NLRP9: variants seen among roughly 807,000 people sequenced by gnomAD.
NLRP9 encodes NLR family pyrin domain containing 9.
NLRP9 carries 88 observed loss-of-function variants against 83.1 expected under a neutral mutation model. That is an observed-to-expected ratio of 1.06 (90% CI 0.89 to 1.26). The LOEUF is 1.26. Among genes scored for constraint, NLRP9 ranks in the 50% most tolerant of loss-of-function variants. NLRP9 has a pLI of 0.00. For synonymous variants in NLRP9, 521 were observed against 447.6 expected, an observed-to-expected ratio of 1.16 and a Z score of -2.07; for missense variants, 1,308 against 1,179.3, an observed-to-expected ratio of 1.11 and a Z score of -1.60.
chr19:55,732,077 A>G lies in NLRP9; in HGVS notation c.1754T>C (p.Leu585Pro). 1 of 1,609,342 alleles carries G rather than the reference A, an allele frequency of 6.2e-7. No individual in the cohort carries two copies. The change falls in exon 2 of 9, where the codon CTG becomes CCG. Residue 585 changes from leucine (L) to proline (P), a missense_variant. Coordinates refer to ENST00000332836, the MANE Select transcript of NLRP9 (RefSeq NM_176820.4). ...TGTCGTTAAATGTTGACAATGCTTCAGGCAGAATGAAGCTATTACCAAATG... is the reference window on the plus strand; with the variant it reads ...TGTCGTTAAATGTTGACAATGCTTCGGGCAGAATGAAGCTATTACCAAATG... ...IEHLVIASFC[L>P]KHCQHLTTLR...
At chr19:55,716,056 A>T (rs1175802597) in intron 5 of NLRP9, among the ~76,000 whole-genome samples, 1 of 152,212 alleles carries the variant, frequency 6.6e-6, no homozygotes, top group Non-Finnish European at 1.5e-5. Context: ...TATGTATGTC[A>T]AATACTTTTT....
At chr19:55,729,735 C>T in intron 3 of NLRP9, 96 bp downstream of exon 3, 1 of 957,488 alleles carries the variant, frequency 1.0e-6, no homozygotes, top group Admixed American at 2.3e-5. Flanking sequence ...TGGATTGCCG[C>T]TCTGCATTTA....
At chr19:55,722,304 T>C (rs1251289014) in intron 4 of NLRP9, among the ~76,000 whole-genome samples, 1 of 152,000 alleles carries the variant, frequency 6.6e-6, no homozygotes, top group Non-Finnish European at 1.5e-5. Context: ...AATTATGAAA[T>C]GGAGCAAAAT....
chr19:55,724,523 T>G (rs539987533), intron 3 of NLRP9, among the ~76,000 whole-genome samples: 1 of 152,158 alleles, frequency 6.6e-6, no homozygotes. Flanking sequence ...CACACATATC[T>G]GAATTAATGC....
Position 55,715,047 on chromosome 19 carries a change from G to T in NLRP9, c.2501+8C>A, listed in dbSNP as rs114738169. The T allele has an allele frequency of 2.5e-6, 4 of 1,594,832 alleles. No individual in the cohort carries two copies. The highest frequency in any genetic ancestry group is 2.3e-5 in the South Asian group (2 of 87,970). The stretch of plus-strand genomic sequence containing the variant: ...CCTGACATTGAAGCAAATCATGGCC[G>T]GTCCTACCACAGCTCCCGTATGCTG... On this transcript the variant is annotated splice_region_variant and intron_variant, in intron 6 of 8. Coordinates refer to ENST00000332836, the MANE Select transcript of NLRP9 (RefSeq NM_176820.4).
Position 55,733,337 on chromosome 19 carries a change from A to C in NLRP9, c.494T>G (p.Val165Gly). ...GIGKTTLLRK[V>G]MLDWAEGNLW... is the part of the protein sequence containing the mutation. ...GTTTCCCTCTGCCCAGTCCAACATC[A>C]CTTTTCTTAAAAGGGTTGTTTTTCC... The change falls in exon 2 of 9, where the codon GTG becomes GGG. Residue 165 changes from valine (V) to glycine (G), a missense_variant. Coordinates refer to ENST00000332836, the MANE Select transcript of NLRP9 (RefSeq NM_176820.4). The C allele has an allele frequency of 6.2e-7, 1 of 1,613,872 alleles. No individual in the cohort carries two copies. Among genetic ancestry groups the C allele is most frequent in the Non-Finnish European group, 8.5e-7 (1 of 1,179,888 alleles).
At position 55,708,974 on chromosome 19, in the gene NLRP9, G is replaced by A. The variant is rs758815601; in HGVS notation, c.2914C>T (p.Leu972=). The change falls in exon 9 of 9, where the codon CTG becomes TTG. Residue 972 remains leucine, a synonymous_variant. Coordinates refer to ENST00000332836, the MANE Select transcript of NLRP9 (RefSeq NM_176820.4). ...LMSVEEKIPH[L]TISHGPWIDE... is the part of the protein sequence containing the mutation. ...ATCCAAGGTCCATGTGAAATGGTCA[G>A]ATGGGGAATTTTTTCTTCCACAGAC... The A allele has an allele frequency of 5.0e-6, 8 of 1,592,616 alleles. No homozygotes were observed. The African/African-American group carries it at 1.1e-4, about 22-fold the overall frequency.
At chr19:55,734,458 A>G (rs1298523581) in intron 1 of NLRP9, among the ~76,000 whole-genome samples, 2 of 147,554 alleles carry the variant, frequency 1.4e-5, no homozygotes, top group Non-Finnish European at 3.0e-5. Flanking sequence ...TACTTTCTGC[A>G]TTTTCTTTAA....
At position 55,733,184 on chromosome 19, in the gene NLRP9, A is replaced by C; in HGVS notation, c.647T>G (p.Ile216Ser). 1 of 1,613,970 alleles carries C rather than the reference A, an allele frequency of 6.2e-7. No individual in the cohort carries two copies. The highest frequency in any genetic ancestry group is 8.5e-7 in the Non-Finnish European group (1 of 1,179,936). ...WPESSEKIED[I>S]FSQPERILFI... ...CAGAATTCTCTCTGGCTGGGAAAAA[A>C]TGTCTTCGATCTTCTCTGAAGACTC... Residue 216 changes from isoleucine to serine, a missense_variant, in exon 2 of 9, where the codon ATT becomes AGT. Coordinates refer to ENST00000332836, the MANE Select transcript of NLRP9 (RefSeq NM_176820.4).
intron 4 of NLRP9, among the ~76,000 whole-genome samples, chr19:55,720,225 C>T (rs904228040): frequency 6.6e-6 from 1 of 152,128 alleles, no homozygotes; most frequent in Non-Finnish European, 1.5e-5. Flanking sequence ...TACATAGAAA[C>T]ACTTACTCAA....
rs1224774812 is a variant in NLRP9, at chr19:55,738,128, C to T, written c.247G>A (p.Asp83Asn). The T allele has an allele frequency of 3.1e-6, 5 of 1,614,072 alleles. No homozygotes were observed. The African/African-American group carries it at 5.3e-5, about 17-fold the overall frequency. The change falls in exon 1 of 9, where the codon GAT becomes AAT. Residue 83 changes from aspartate to asparagine, a missense_variant. Coordinates refer to ENST00000332836, the MANE Select transcript of NLRP9 (RefSeq NM_176820.4). ...TCTTCCTGAGCCTTTGTCCAGAGAT[C>T]TTTCCTATTGATCTGTAGAAACAGG... ...LNLFLQINRKDLWTKAQEEMR... is the reference protein window; with the variant it reads ...LNLFLQINRKNLWTKAQEEMR...
rs1232565017 is a variant in NLRP9, at chr19:55,708,836, G to A, written c.*76C>T. On this transcript the variant is annotated 3_prime_UTR_variant, in exon 9 of 9. Coordinates refer to ENST00000332836, the MANE Select transcript of NLRP9 (RefSeq NM_176820.4). The stretch of plus-strand genomic sequence containing the variant: ...CTGCTGCCATGATGTGCAATTACAG[G>A]ATAGAGGTGCCAGGTGAAGGTCCCA... 1 of 1,022,226 alleles carries A rather than the reference G, an allele frequency of 9.8e-7. No individual in the cohort carries two copies. The highest frequency in any genetic ancestry group is 1.4e-6 in the Non-Finnish European group (1 of 713,848). The allele number at this position is 1,022,226 out of a possible 1,614,324, so 63.3% of individuals were successfully genotyped here.
intron 3 of NLRP9, among the ~76,000 whole-genome samples, chr19:55,729,050 CTTTT>C (rs374589373): frequency 5.1e-4 from 36 of 70,250 alleles, no homozygotes; most frequent in East Asian, 2.0e-3. Flanking sequence ...TTTTCTTTTT[CTTTT>C]TTTTTTTTTT....
chr19:55,716,853 G>A lies in NLRP9; in HGVS notation c.2205C>T (p.Ala735=). The A allele has an allele frequency of 6.2e-7, 1 of 1,613,866 alleles. No individual in the cohort carries two copies. The highest frequency in any genetic ancestry group is 8.5e-7 in the Non-Finnish European group (1 of 1,179,940). ...DISSEVCEDI[A]SVLACNSKLK... is the part of the protein sequence containing the mutation. ...GCTTGCTGTTGCAGGCCAGGACGGA[G>A]GCGATGTCTTCACAAACTTCACTGG... The change falls in exon 5 of 9, where the codon GCC becomes GCT. Residue 735 remains alanine (A), a synonymous_variant. Coordinates refer to ENST00000332836, the MANE Select transcript of NLRP9 (RefSeq NM_176820.4).
intron 1 of NLRP9, among the ~76,000 whole-genome samples, chr19:55,733,919 A>AATTTTTTTTT (rs1555796186): frequency 5.1e-5 from 6 of 117,870 alleles, no homozygotes; most frequent in African/African-American, 7.2e-5. Context: ...TGTCAACCAA[A>AATTTTTTTTT]TTTTTTTTTT....
At position 55,729,951 on chromosome 19, in the gene NLRP9, A is replaced by G; in HGVS notation, c.1874T>C (p.Met625Thr). 6.2e-7 allele frequency: 1 copy of G among 1,613,646 alleles called. No individual in the cohort carries two copies. The highest frequency in any genetic ancestry group is 1.1e-5 in the South Asian group (1 of 91,060). ...CTGGAAGTTCTTGTTGGTAATGAACATTGAGCAAAGCTCCCGCCAGTAGAC... is the reference window on the plus strand; with the variant it reads ...CTGGAAGTTCTTGTTGGTAATGAACGTTGAGCAAAGCTCCCGCCAGTAGAC... ...KLVYWRELCS[M>T]FITNKNFQIL... The change falls in exon 3 of 9, where the codon ATG (methionine) becomes ACG (threonine). Residue 625 changes from methionine (M) to threonine (T), a missense_variant. Transcript: ENST00000332836.
chr19:55,713,189 C>T (rs1333958373), intron 6 of NLRP9, among the ~76,000 whole-genome samples: 1 of 150,934 alleles, frequency 6.6e-6, no homozygotes. Flanking sequence ...GCAAATGTCA[C>T]CTTTTTGGTG....
chr19:55,712,504 A>T lies in NLRP9; in HGVS notation c.2588T>A (p.Leu863His), dbSNP rs1568592043. Residue 863 changes from leucine (L) to histidine (H), a missense_variant, in exon 7 of 9, where the codon CTT becomes CAT. Coordinates refer to ENST00000332836, the MANE Select transcript of NLRP9 (RefSeq NM_176820.4). ...ICNGKLKTLK[L>H]GHNEIGDTGV... is the part of the protein sequence containing the mutation. ...AGTGTCTCCTATTTCATTATGCCCA[A>T]GTTTCAGGGTCTTCAGTTTCCCATT... 1 of 1,612,570 alleles carries T rather than the reference A, an allele frequency of 6.2e-7. No individual in the cohort carries two copies. The highest frequency in any genetic ancestry group is 8.5e-7 in the Non-Finnish European group (1 of 1,179,832).
At chr19:55,731,373 A>C (rs1988563698) in intron 2 of NLRP9, among the ~76,000 whole-genome samples, 1 of 151,042 alleles carries the variant, frequency 6.6e-6, no homozygotes, top group Non-Finnish European at 1.5e-5. Flanking sequence ...GAAAAAAAAA[A>C]AGAAGAAAAG....
Sources: gnomAD v4.1 joint callset for allele counts (sites outside exome capture counted in the v4.1 genomes callset) on GRCh38, gnomAD v4.1.1 for gene constraint, MANE v1.5 for transcripts, NCBI Gene and HGNC (gene_info 2026-07-23, HGNC 2026-07-21) for gene names.